Variants in GPR143 observed in about 807,000 individuals in gnomAD.
GPR143 encodes G protein-coupled receptor 143, also known as G-protein coupled receptor 143.
In GPR143, 8 loss-of-function variants were observed where a neutral mutation model predicts 27.6. That is an observed-to-expected ratio of 0.29 (90% confidence interval 0.17 to 0.52). The LOEUF is 0.52. Among genes scored for constraint, GPR143 ranks in the 20% least tolerant of loss-of-function variants. The probability of loss-of-function intolerance (pLI) is 0.96; values close to 1 mark genes in which losing one functional copy is unlikely to be tolerated. For missense variants in GPR143, 303 were observed against 343.1 expected (o/e 0.88, Z 0.92); for synonymous variants, 156 against 153.2 (o/e 1.02, Z -0.13).
Position 9,765,606 on chromosome X carries a change from A to C in GPR143, c.212T>G (p.Leu71Arg). ...AAGGTCGCAGGCAGCGGCAGCGCGCAGGATGCGGACCGAGGCCGGCGGGGA... is the reference window on the plus strand; with the variant it reads ...AAGGTCGCAGGCAGCGGCAGCGCGCCGGATGCGGACCGAGGCCGGCGGGGA... ...ATSPPASVRI[L>R]RAAAACDLLG... Residue 71 changes from leucine (L) to arginine (R), a missense_variant, in exon 1 of 9, where the codon CTG becomes CGG. By Grantham distance (102) the Leu-to-Arg change is moderately radical. Transcript: ENST00000467482. The C allele has an allele frequency of 9.6e-7, 1 of 1,041,256 alleles. No homozygotes were observed. The highest frequency in any genetic ancestry group is 2.9e-5 in the South Asian group (1 of 34,798). The allele number at this position is 1,041,256 out of a possible 1,213,427, so 85.8% of individuals were successfully genotyped here. A position where few individuals can be genotyped will look rare whatever the true frequency, so the allele number is the denominator to read the frequency against.
rs747340998 is a variant in GPR143, at chrX:9,765,669, G to C, written c.149C>G (p.Pro50Arg). The C allele has an allele frequency of 3.0e-6, 3 of 1,015,999 alleles. No homozygotes were observed. In the African/African-American group the frequency reaches 5.9e-5, roughly 20 times the overall value. 83.7% of individuals were successfully genotyped at this position (1,015,999 alleles called of 1,213,427 possible). A position where few individuals can be genotyped will look rare whatever the true frequency, so the allele number is the denominator to read the frequency against. ...CCCGGGGCCCGCGGGCCGGCGGCCG[G>C]GCAGCAGCTGCAGAAGGCCCAGCGC... ...RLALGLLQLL[P>R]GRRPAGPGSP... is the part of the protein sequence containing the mutation. The change falls in exon 1 of 9, where the codon CCC becomes CGC. Residue 50 changes from proline (P) to arginine (R), a missense_variant. Pro to Arg is a moderately radical substitution (Grantham distance 103). Coordinates refer to ENST00000467482, the MANE Select transcript of GPR143 (RefSeq NM_000273.3).
At position 9,736,176 on chromosome X, in the gene GPR143, A is replaced by G. The variant is rs751527188; in HGVS notation, c.1120+3309T>C. Among the ~76,000 whole-genome samples the G allele has an allele frequency of 4.5e-5, 5 of 111,609 alleles. No homozygotes were observed. In the East Asian group the frequency reaches 8.5e-4, roughly 19 times the overall value. On this transcript the variant is annotated intron_variant, in intron 8 of 8. Coordinates refer to ENST00000467482, the MANE Select transcript of GPR143 (RefSeq NM_000273.3). ...GCCCCAGAGACATACCGACCAGGAA[A>G]GATTTAGAAGGGATCCTAAAATTGT...
intron 3 of GPR143, among the ~76,000 whole-genome samples, chrX:9,753,700 C>T (rs1166709942): frequency 9.0e-6 from 1 of 111,558 alleles, no homozygotes; most frequent in Non-Finnish European, 1.9e-5. Flanking sequence ...GGCCTTATGC[C>T]TCCTGAATAC....
chrX:9,726,676 A>C (rs992536017), intron 8 of GPR143, among the ~76,000 whole-genome samples: 5 of 112,258 alleles, frequency 4.5e-5, no homozygotes, highest in African/African-American at 1.3e-4. Flanking sequence ...TTTCTTTTAA[A>C]TCATGAAGAA....
At chrX:9,773,805 A>G (rs952914342) in intron 1 of GPR143, among the ~76,000 whole-genome samples, 2 of 110,560 alleles carry the variant, frequency 1.8e-5, no homozygotes, top group East Asian at 5.7e-4. Flanking sequence ...TTGAAGCTGC[A>G]GTGAGCCGAG....
intron 5 of GPR143, among the ~76,000 whole-genome samples, chrX:9,744,697 C>A (rs1219611646): frequency 1.8e-5 from 2 of 111,402 alleles, no homozygotes; most frequent in Admixed American, 1.9e-4. Flanking sequence ...AGAGCGAAAC[C>A]CCATCTCAAA....
intron 1 of GPR143, among the ~76,000 whole-genome samples, chrX:9,762,035 C>T (rs1016772326): frequency 1.8e-5 from 2 of 111,119 alleles, no homozygotes; most frequent in Non-Finnish European, 1.9e-5. Flanking sequence ...TGCAGTGAGT[C>T]GAGATCGCAC....
upstream of GPR143, among the ~76,000 whole-genome samples, chrX:9,770,358 G>GAGAGA (rs1569127514): frequency 1.6e-4 from 12 of 76,544 alleles, no homozygotes; most frequent in African/African-American, 3.9e-4. Context: ...AGAGAGAGAG[G>GAGAGA]AAGACCAGCC....
chrX:9,758,602 A>G (rs985840162), intron 3 of GPR143, among the ~76,000 whole-genome samples: 11 of 112,263 alleles, frequency 9.8e-5, no homozygotes, highest in Non-Finnish European at 1.9e-4. Context: ...ATAATAAAAA[A>G]TTGTTTATGC....
intron 4 of GPR143, among the ~76,000 whole-genome samples, chrX:9,747,665 A>G (rs1313003295): frequency 1.8e-5 from 2 of 111,325 alleles, no homozygotes; most frequent in Admixed American, 1.9e-4. Flanking sequence ...GAGGGAGATA[A>G]ATTATCTACA....
chrX:9,757,075 AG>A (rs1236020256), intron 3 of GPR143, among the ~76,000 whole-genome samples: 1 of 112,783 alleles, frequency 8.9e-6, no homozygotes, highest in Non-Finnish European at 1.9e-5. Context: ...AGCAATGAAA[AG>A]GGGTTGTTTT....
chrX:9,733,819 C>T (rs1003246414), intron 8 of GPR143, among the ~76,000 whole-genome samples: 2 of 111,248 alleles, frequency 1.8e-5, no homozygotes, highest in South Asian at 3.8e-4. Context: ...CAGTGGCTCA[C>T]GCCTGTAATC....
rs1273525478 is a variant in GPR143 at position 9,725,593 on chromosome X, C to A, written c.*153G>T. The A allele has an allele frequency of 1.7e-5, 8 of 474,131 alleles. No homozygotes were observed. Among genetic ancestry groups the A allele is most frequent in the Non-Finnish European group, 3.0e-5 (8 of 269,530 alleles). The allele number at this position is 474,131 out of a possible 1,213,427, so 39.1% of individuals were successfully genotyped here. ...GAACCCTTTCTCCTATCCTAAAGGC[C>A]CTTCGGGAAGAAGCTCTAGCTGGTG... On this transcript the variant is annotated 3_prime_UTR_variant, in exon 9 of 9. Coordinates refer to ENST00000467482, the MANE Select transcript of GPR143 (RefSeq NM_000273.3).
At position 9,778,499 on chromosome X, in the gene GPR143, AAG is replaced by A. The variant is rs758549489; in HGVS notation, c.-3+7741_-3+7742del. 2.0e-3 allele frequency among the ~76,000 whole-genome samples: 216 copies of A among 110,328 alleles called. 1 individual carries two copies. The highest frequency in any genetic ancestry group is 6.8e-3 in the African/African-American group (205 of 30,334). ...GGATGAGGTGGCAGGAAGGAGAAAA[AAG>A]AGAGAGATAGGTGTACATTGGCACT... On this transcript the variant is annotated intron_variant, in intron 1 of 7. Transcript: ENST00000447366.
intron 3 of GPR143, among the ~76,000 whole-genome samples, chrX:9,755,799 T>C (rs1220949102): frequency 8.9e-6 from 1 of 112,207 alleles, no homozygotes; most frequent in Non-Finnish European, 1.9e-5. Context: ...ATCTTTAGCA[T>C]GAAAGAGAAA....
chrX:9,771,709 C>CTTTTTTTTTTTT (rs752477509), intron 1 of GPR143, among the ~76,000 whole-genome samples: 2 of 92,818 alleles, frequency 2.2e-5, no homozygotes, highest in Non-Finnish European at 4.2e-5. Flanking sequence ...AGCATTCTCT[C>CTTTTTTTTTTTT]TCTTTTTTTT....
intron 7 of GPR143, chrX:9,741,120 A>G (rs1182670329): frequency 1.7e-5 from 5 of 293,982 alleles, no homozygotes. Context: ...AAAAAAAGAG[A>G]TGGGGTCTCC....
intron 1 of GPR143, among the ~76,000 whole-genome samples, chrX:9,776,839 T>G (rs1030316390): frequency 8.9e-6 from 1 of 111,811 alleles, no homozygotes; most frequent in African/African-American, 3.2e-5. Flanking sequence ...CCCCAGTGGC[T>G]GGGACTACAG....
chrX:9,760,959 G>A, intron 1 of GPR143, 133 bp from the exon 2 acceptor site: 1 of 454,775 alleles, frequency 2.2e-6, no homozygotes, highest in Non-Finnish European at 4.0e-6. Context: ...GGAAGGAAAG[G>A]AGGGAGGGAG....
Sources: gnomAD v4.1 joint callset for allele counts (sites outside exome capture counted in the v4.1 genomes callset) on GRCh38, gnomAD v4.1.1 for gene constraint, MANE v1.5 for transcripts, NCBI Gene and HGNC (gene_info 2026-07-23, HGNC 2026-07-21) for gene names.